ZC3H12C: variants seen among roughly 807,000 people sequenced by gnomAD.
ZC3H12C encodes zinc finger CCCH-type containing 12C.
A neutral mutation model predicts 76.3 loss-of-function variants in ZC3H12C; 20 were observed. That is an observed-to-expected ratio of 0.26 (90% CI 0.18 to 0.38). The LOEUF (loss-of-function observed/expected upper bound fraction) is 0.38, where lower values mean the gene tolerates loss of function less well. Among genes scored for constraint, ZC3H12C ranks in the 10% least tolerant of loss-of-function variants. The probability of loss-of-function intolerance (pLI) is 1.00; values close to 1 mark genes in which losing one functional copy is unlikely to be tolerated. For missense variants in ZC3H12C, 874 were observed against 1,086.5 expected (o/e 0.80, Z 2.75); for synonymous variants, 352 against 399.6 (o/e 0.88, Z 1.42).
intron 2 of ZC3H12C, among the ~76,000 whole-genome samples, chr11:110,144,761 T>G (rs913785433): frequency 9.9e-5 from 15 of 152,136 alleles, no homozygotes; most frequent in African/African-American, 3.6e-4. Flanking sequence ...GAAAAGAGGT[T>G]CCTTTGTTCT....
chr11:110,164,322 T>C lies in ZC3H12C; in HGVS notation c.1256-19T>C, dbSNP rs769366115. On this transcript the variant is annotated intron_variant, in intron 5 of 5. Transcript: ENST00000278590. This position sits in a 1 kb window ranked among gnomAD's most constrained non-coding sequence, Gnocchi z 5.7. ...TCTGATGGTATGCTCCTTTGCCTAA[T>C]TAATTTTACTCTTCTTAGGAAAGAA... 5 of 1,566,688 alleles carry C rather than the reference T, an allele frequency of 3.2e-6. No homozygotes were observed. The highest frequency in any genetic ancestry group is 1.4e-5 in the African/African-American group (1 of 73,916).
intron 2 of ZC3H12C, 85 bp from the exon 3 acceptor site, chr11:110,152,830 CTATG>C (rs1168309564): frequency 2.6e-5 from 37 of 1,406,648 alleles, no homozygotes. Context: ...ACTGTTGTAA[CTATG>C]TAATACTTTC....
chr11:110,144,882 T>C (rs2134184289), intron 2 of ZC3H12C, among the ~76,000 whole-genome samples: 1 of 152,352 alleles, frequency 6.6e-6, no homozygotes, highest in South Asian at 2.1e-4. Flanking sequence ...TGTCTATCAT[T>C]GGAAGGTAAC....
At position 110,165,883 on chromosome 11, in the gene ZC3H12C, G is replaced by C; in HGVS notation, c.*146G>C. On this transcript the variant is annotated 3_prime_UTR_variant, in exon 6 of 6. Transcript: ENST00000278590. The stretch of plus-strand genomic sequence containing the variant: ...TGTGAAATACTGTATCATGGAATCT[G>C]TATGTATAGCCCCACATGGTGGAAG... 1.3e-6 allele frequency: 1 copy of C among 773,288 alleles called. No individual in the cohort carries two copies. Among genetic ancestry groups the C allele is most frequent in the Non-Finnish European group, 2.0e-6 (1 of 496,008 alleles). 47.9% of individuals were successfully genotyped at this position (773,288 alleles called of 1,614,324 possible).
At position 110,153,072 on chromosome 11, in the gene ZC3H12C, A is replaced by G; in HGVS notation, c.913+14A>G. 6.2e-7 allele frequency: 1 copy of G among 1,607,514 alleles called. No homozygotes were observed. ...CTCTCATTACAGGTAGGCTTATTCC[A>G]GGCGGCTGCTTGTACCTAGCTTTCC... is the stretch of plus-strand genomic sequence containing the variant. On this transcript the variant is annotated intron_variant, in intron 3 of 5. Transcript: ENST00000278590.
intron 1 of ZC3H12C, among the ~76,000 whole-genome samples, chr11:110,103,714 T>C (rs1861263636): frequency 6.6e-6 from 1 of 151,514 alleles, no homozygotes; most frequent in Non-Finnish European, 1.5e-5. Context: ...CATGCCACTC[T>C]CCTGACTCAG....
At chr11:110,162,062 G>T (rs555963118) in intron 4 of ZC3H12C, among the ~76,000 whole-genome samples, 1 of 152,142 alleles carries the variant, frequency 6.6e-6, no homozygotes, top group South Asian at 2.1e-4. Context: ...TGAACCCCAG[G>T]GGGGCGGAGG....
rs573613040 is a variant in ZC3H12C at position 110,116,234 on chromosome 11, A to G, written c.22-20429A>G. ...GTTCTTACACTTATGTTCCTTACCA[A>G]TTTCTAACATTGTTTTCTAATTATT... On this transcript the variant is annotated intron_variant, in intron 1 of 5. Coordinates refer to ENST00000278590, the MANE Select transcript of ZC3H12C (RefSeq NM_033390.2). Among the ~76,000 whole-genome samples the G allele has an allele frequency of 9.3e-4, 141 of 152,192 alleles. 1 individual carries two copies. The highest frequency in any genetic ancestry group is 2.8e-3 in the African/African-American group (118 of 41,510).
intron 1 of ZC3H12C, among the ~76,000 whole-genome samples, chr11:110,094,916 C>G (rs1230001007): frequency 1.3e-5 from 2 of 152,118 alleles, no homozygotes; most frequent in African/African-American, 4.8e-5. Context: ...AAGTAAGTTA[C>G]AAGATTCTAC....
Position 110,133,664 on chromosome 11 carries a change from G to A in ZC3H12C, c.22-2999G>A, listed in dbSNP as rs570330563. ...TATGTGGTAGTCACTAAATACATTG[G>A]TATACAAATGAGGTTTGTGTGATTT... On this transcript the variant is annotated intron_variant, in intron 1 of 5. Transcript: ENST00000278590. 1.3e-4 allele frequency among the ~76,000 whole-genome samples: 20 copies of A among 151,958 alleles called. 1 individual carries two copies. In the South Asian group the frequency reaches 3.7e-3, roughly 28 times the overall value.
Position 110,137,034 on chromosome 11 carries a change from C to T in ZC3H12C, c.393C>T (p.Leu131=). 2.5e-6 allele frequency: 4 copies of T among 1,613,814 alleles called. No homozygotes were observed. The highest frequency in any genetic ancestry group is 3.4e-6 in the Non-Finnish European group (4 of 1,179,856). The part of the protein sequence containing the change: ...CRSPCLEPHI[L]KRNEILQDFK... The stretch of plus-strand genomic sequence containing the variant: ...CTCCCTGTTTAGAGCCTCACATACT[C>T]AAGCGCAATGAAATTTTGCAAGACT... The change falls in exon 2 of 6, where the codon CTC becomes CTT. Residue 131 remains leucine, a synonymous_variant. Coordinates refer to ENST00000278590, the MANE Select transcript of ZC3H12C (RefSeq NM_033390.2).
In ZC3H12C at chr11:110,170,504, A is replaced by C. The variant is rs1862658000; in HGVS notation, c.*4767A>C. 6.6e-6 allele frequency: 1 copy of C among 152,204 alleles called. No homozygotes were observed. Among genetic ancestry groups the C allele is most frequent in the Non-Finnish European group, 1.5e-5 (1 of 68,016 alleles). 9.4% of individuals were successfully genotyped at this position (152,204 alleles called of 1,614,324 possible). ...TATAGCTTTATTCTGTAAGATTAAAAATTGTGACTAGTATAATTGTAGCTA... is the reference window on the plus strand; with the variant it reads ...TATAGCTTTATTCTGTAAGATTAAACATTGTGACTAGTATAATTGTAGCTA... On this transcript the variant is annotated 3_prime_UTR_variant, in exon 6 of 6. Transcript: ENST00000278590.
At chr11:110,115,743 A>AT (rs1861514835) in intron 1 of ZC3H12C, among the ~76,000 whole-genome samples, 1 of 113,292 alleles carries the variant, frequency 8.8e-6, no homozygotes, top group African/African-American at 3.4e-5. Flanking sequence ...CTGTTTTCTC[A>AT]TTTTCTTTTT....
In ZC3H12C at chr11:110,164,649, G is replaced by A. The variant is rs757239149; in HGVS notation, c.1564G>A (p.Val522Ile). 1.9e-6 allele frequency: 3 copies of A among 1,613,878 alleles called. No homozygotes were observed. In the East Asian group the frequency reaches 6.7e-5, roughly 36 times the overall value. ...GGAAACCAGGTCTGTACCTTCCTTA[G>A]TTAGCATCCCAGCTACTTCTACTGC... Reference protein sequence around the residue: ...KLETRSVPSLVSIPATSTAKP... With the variant: ...KLETRSVPSLISIPATSTAKP... The change falls in exon 6 of 6, where the codon GTT becomes ATT. Residue 522 changes from valine to isoleucine, a missense_variant. Transcript: ENST00000278590. This position sits in a 1 kb window ranked among gnomAD's most constrained non-coding sequence, Gnocchi z 5.7.
chr11:110,137,437 A>C (rs1234485717), intron 2 of ZC3H12C, 23 bp downstream of exon 2: 9 of 1,557,738 alleles, frequency 5.8e-6, no homozygotes, highest in Non-Finnish European at 5.2e-6. Context: ...ATCGTTACTG[A>C]AAATTACTAC....
intron 1 of ZC3H12C, among the ~76,000 whole-genome samples, chr11:110,101,643 G>T (rs922005771): frequency 2.6e-5 from 4 of 151,552 alleles, no homozygotes; most frequent in African/African-American, 7.3e-5. Context: ...TGCCTCCCGG[G>T]TTCAAGCGAT....
chr11:110,136,899 C>A lies in ZC3H12C; in HGVS notation c.258C>A (p.Ser86Arg). 1 of 1,613,744 alleles carries A rather than the reference C, an allele frequency of 6.2e-7. No individual in the cohort carries two copies. The highest frequency in any genetic ancestry group is 1.1e-5 in the South Asian group (1 of 91,020). ...DEKEASEENA[S>R]SGDSEENTNS... ...AAGAGGCGTCTGAAGAGAATGCAAGCTCTGGTGACTCTGAAGAAAACACAA... is the reference window on the plus strand; with the variant it reads ...AAGAGGCGTCTGAAGAGAATGCAAGATCTGGTGACTCTGAAGAAAACACAA... The change falls in exon 2 of 6, where the codon AGC (serine) becomes AGA (arginine). Residue 86 changes from serine to arginine, a missense_variant. This residue lies in a region of ZC3H12C where 210 missense variants were observed against 227.1 expected (regional missense o/e 0.92). Coordinates refer to ENST00000278590, the MANE Select transcript of ZC3H12C (RefSeq NM_033390.2).
chr11:110,131,358 G>A (rs1005689285), intron 1 of ZC3H12C: 8 of 438,266 alleles, frequency 1.8e-5, no homozygotes, highest in South Asian at 4.2e-5. Context: ...TAGGCATGGC[G>A]TATAATCATT....
intron 1 of ZC3H12C, among the ~76,000 whole-genome samples, chr11:110,119,351 A>G (rs1861613638): frequency 6.6e-6 from 1 of 152,000 alleles, no homozygotes; most frequent in South Asian, 2.1e-4. Context: ...AGCATCACCT[A>G]TGAAATTGTT....
Sources: gnomAD v4.1 joint callset for allele counts (sites outside exome capture counted in the v4.1 genomes callset) on GRCh38, gnomAD v4.1.1 for gene constraint, gnomAD v4.1.1 regional missense constraint, Gnocchi (gnomAD v3.1) non-coding constraint, MANE v1.5 for transcripts, NCBI Gene and HGNC (gene_info 2026-07-23, HGNC 2026-07-21) for gene names.